The following WWOX variants were observed in gnomAD, a reference collection of about 807,000 sequenced individuals.
WWOX encodes WW domain containing oxidoreductase.
A neutral mutation model predicts 46.2 loss-of-function variants in WWOX; 69 were observed. The ratio of observed to expected loss-of-function variants is 1.49; its 90% CI spans 1.23 to 1.82. WWOX has a LOEUF of 1.82. Ranked by LOEUF, WWOX falls within the 40% of genes most tolerant of loss-of-function variation. The probability of loss-of-function intolerance (pLI) is 0.00; values close to 1 mark genes in which losing one functional copy is unlikely to be tolerated. For missense variants in WWOX, 919 were observed against 542.6 expected, an observed-to-expected ratio of 1.69 and a Z score of -6.89; for synonymous variants, 359 against 202.6, an observed-to-expected ratio of 1.77 and a Z score of -6.56.
chr16:78,150,469 C>A (rs901120523), intron 4 of WWOX, among the ~76,000 whole-genome samples: 1 of 152,118 alleles, frequency 6.6e-6, no homozygotes, highest in African/African-American at 2.4e-5. Flanking sequence ...GCCAGGACCT[C>A]CCAGGCTAAA....
In WWOX at chr16:78,123,435, G is replaced by GTTTTTTTT. The variant is rs200594331; in HGVS notation, c.409+8285_409+8286insTTTTTTTT. The stretch of plus-strand genomic sequence containing the variant: ...CCCTATGTTTTTTTCTTTGTTTTTT[G>GTTTTTTTT]TTTTGTTTTTTTTTTTTTTGTTTTT... On this transcript the variant is annotated intron_variant, in intron 4 of 8. Coordinates refer to ENST00000566780, the MANE Select transcript of WWOX (RefSeq NM_016373.4). The GTTTTTTTT allele has an allele frequency of 2.3e-3, 111 of 48,706 alleles. 10 individuals are homozygous for GTTTTTTTT. Among genetic ancestry groups the GTTTTTTTT allele is most frequent in the Non-Finnish European group, 3.0e-3 (73 of 24,302 alleles). 3.0% of individuals were successfully genotyped at this position (48,706 alleles called of 1,614,324 possible).
chr16:78,723,799 G>C (rs752998611), intron 8 of WWOX, among the ~76,000 whole-genome samples: 6 of 151,794 alleles, frequency 4.0e-5, no homozygotes, highest in Non-Finnish European at 7.4e-5. Context: ...TCTTGTTCTC[G>C]TATCACTCAG....
chr16:78,795,229 C>G (rs933137295), intron 8 of WWOX, among the ~76,000 whole-genome samples: 1 of 152,122 alleles, frequency 6.6e-6, no homozygotes, highest in Non-Finnish European at 1.5e-5. Flanking sequence ...TCACACTTCA[C>G]AGATATTCTC....
intron 8 of WWOX, among the ~76,000 whole-genome samples, chr16:78,785,427 T>C (rs1246011125): frequency 6.6e-6 from 1 of 152,182 alleles, no homozygotes; most frequent in Non-Finnish European, 1.5e-5. Flanking sequence ...CGGCAGCCAG[T>C]GGTGTGCTGG....
chr16:78,462,112 G>A (rs1019227154), intron 8 of WWOX, among the ~76,000 whole-genome samples: 7 of 152,316 alleles, frequency 4.6e-5, no homozygotes, highest in South Asian at 2.1e-4. Flanking sequence ...GCTCTTGAAG[G>A]CAGGCTTAAC....
intron 8 of WWOX, among the ~76,000 whole-genome samples, chr16:78,580,986 A>G (rs2045037516): frequency 6.6e-6 from 1 of 152,210 alleles, no homozygotes; most frequent in South Asian, 2.1e-4. Context: ...AAAAGGAACA[A>G]CAAAAAAGTA....
chr16:78,935,907 G>C (rs761659324), intron 8 of WWOX, among the ~76,000 whole-genome samples: 3 of 151,886 alleles, frequency 2.0e-5, no homozygotes, highest in Non-Finnish European at 4.4e-5. Flanking sequence ...GTGAGACCCT[G>C]TCTCAAAATA....
At chr16:78,525,783 C>T (rs914533668) in intron 8 of WWOX, 1 of 150,270 alleles carries the variant, frequency 6.7e-6, no homozygotes, top group Non-Finnish European at 1.5e-5. Context: ...TTTGTACTGA[C>T]TCTGACCCAG....
chr16:78,268,449 G>A (rs2079411294), intron 5 of WWOX, among the ~76,000 whole-genome samples: 1 of 152,162 alleles, frequency 6.6e-6, no homozygotes, highest in African/African-American at 2.4e-5. Flanking sequence ...CTTTGTGGAT[G>A]AAATTGTAGA....
At chr16:78,396,910 A>G (rs55977671) in intron 6 of WWOX, among the ~76,000 whole-genome samples, 2,059 of 152,326 alleles carry the variant, frequency 0.014, 45 homozygotes, top group African/African-American at 0.046. Flanking sequence ...TGGATTTGGT[A>G]TCTGGCCTGG....
intron 6 of WWOX, among the ~76,000 whole-genome samples, chr16:78,412,446 C>T (rs987194786): frequency 6.6e-5 from 10 of 152,096 alleles, no homozygotes; most frequent in African/African-American, 1.2e-4. Context: ...GTCTTCATGG[C>T]GATTTTGTTC....
intron 8 of WWOX, among the ~76,000 whole-genome samples, chr16:78,978,615 A>T (rs1389928474): frequency 1.3e-5 from 2 of 152,154 alleles, no homozygotes; most frequent in African/African-American, 4.8e-5. Context: ...AGCTTCTGCT[A>T]CTGGGGGCGC....
At chr16:78,736,749 G>A (rs895272540) in intron 8 of WWOX, among the ~76,000 whole-genome samples, 1 of 152,028 alleles carries the variant, frequency 6.6e-6, no homozygotes, top group Non-Finnish European at 1.5e-5. Context: ...ACAGGCGCAT[G>A]CCTCCACATC....
At chr16:78,814,965 G>C (rs1464958628) in intron 8 of WWOX, among the ~76,000 whole-genome samples, 1 of 152,110 alleles carries the variant, frequency 6.6e-6, no homozygotes, top group Non-Finnish European at 1.5e-5. Context: ...CTTCTGGTTG[G>C]ATTTAGCAAT....
chr16:79,190,561 C>G (rs1450329885), intron 8 of WWOX, among the ~76,000 whole-genome samples: 6 of 152,166 alleles, frequency 3.9e-5, no homozygotes, highest in Non-Finnish European at 8.8e-5. Flanking sequence ...TTGGATTAAA[C>G]TGGCACGACA....
intron 8 of WWOX, chr16:78,873,438 T>C (rs930782368): frequency 6.6e-6 from 1 of 152,120 alleles, no homozygotes; most frequent in Non-Finnish European, 1.5e-5. Flanking sequence ...GTGGTAAGAA[T>C]GTAAGTTGTT....
At chr16:78,808,114 C>G (rs2051090946) in intron 8 of WWOX, among the ~76,000 whole-genome samples, 2 of 152,174 alleles carry the variant, frequency 1.3e-5, no homozygotes, top group South Asian at 4.1e-4. Flanking sequence ...GCCCAAGCAA[C>G]CAGGACTCCC....
At chr16:79,053,394 G>T (rs550072173) in intron 8 of WWOX, among the ~76,000 whole-genome samples, 1 of 152,244 alleles carries the variant, frequency 6.6e-6, no homozygotes, top group East Asian at 1.9e-4. Flanking sequence ...CAATCCTGGA[G>T]TGAATTTTAA....
At chr16:78,948,769 A>C (rs1338426592) in intron 8 of WWOX, among the ~76,000 whole-genome samples, 1 of 152,180 alleles carries the variant, frequency 6.6e-6, no homozygotes, top group Non-Finnish European at 1.5e-5. Context: ...GTTACGTAAC[A>C]TGACAAAAGG....
Sources: gnomAD v4.1 joint callset for allele counts (sites outside exome capture counted in the v4.1 genomes callset) on GRCh38, gnomAD v4.1.1 for gene constraint, MANE v1.5 for transcripts, NCBI Gene and HGNC (gene_info 2026-07-23, HGNC 2026-07-21) for gene names.